Variants in FGF7 observed in about 807,000 individuals in gnomAD.
The protein encoded by FGF7 is fibroblast growth factor 7.
Under a neutral mutation model 20.5 loss-of-function variants are expected in FGF7, and 6 were observed. The ratio of observed to expected loss-of-function variants is 0.29; its 90% confidence interval spans 0.16 to 0.58. FGF7 has a LOEUF of 0.58. Ranked by LOEUF, FGF7 falls within the 20% of genes least tolerant of loss-of-function variation. The pLI, the probability that FGF7 is intolerant of heterozygous loss-of-function variation, is 0.90. For synonymous variants in FGF7, 64 were observed against 74.7 expected (o/e 0.86, Z 0.74); for missense variants, 144 against 228.8 (o/e 0.63, Z 2.39).
At chr15:49,442,627 GTTACT>G (rs1183748815) in intron 2 of FGF7, among the ~76,000 whole-genome samples, 25 of 151,614 alleles carry the variant, frequency 1.6e-4, no homozygotes, top group African/African-American at 5.6e-4. Context: ...GCATAGAGTA[GTTACT>G]CACTAATTAC....
At chr15:49,458,318 C>A (rs895559013) in intron 2 of FGF7, among the ~76,000 whole-genome samples, 1 of 151,974 alleles carries the variant, frequency 6.6e-6, no homozygotes, top group African/African-American at 2.4e-5. Context: ...TTTAAATAGT[C>A]ATAATCCACA....
At chr15:49,464,848 G>A (rs969144611) in intron 2 of FGF7, among the ~76,000 whole-genome samples, 1 of 152,002 alleles carries the variant, frequency 6.6e-6, no homozygotes, top group Non-Finnish European at 1.5e-5. Context: ...AAACTATACA[G>A]TACAATGGAA....
At chr15:49,425,788 G>A (rs2050074662) in intron 2 of FGF7, among the ~76,000 whole-genome samples, 1 of 151,448 alleles carries the variant, frequency 6.6e-6, no homozygotes, top group Non-Finnish European at 1.5e-5. Context: ...TTTAATGACT[G>A]GACAGTTATG....
At chr15:49,483,320 C>A (rs2056122168) in intron 3 of FGF7, 66 bp downstream of exon 3, 3 of 792,860 alleles carry the variant, frequency 3.8e-6, no homozygotes, top group Non-Finnish European at 4.3e-6. Flanking sequence ...TCTCACCTTT[C>A]TGAAAAGTAA....
chr15:49,476,754 T>C (rs2055358195), intron 2 of FGF7, among the ~76,000 whole-genome samples: 1 of 152,088 alleles, frequency 6.6e-6, no homozygotes, highest in African/African-American at 2.4e-5. Context: ...CACTTTTAGA[T>C]TTACAAAAAA....
chr15:49,439,194 C>A (rs1036252627), intron 2 of FGF7, among the ~76,000 whole-genome samples: 3 of 151,552 alleles, frequency 2.0e-5, no homozygotes, highest in African/African-American at 7.2e-5. Context: ...TTCCTCTTTG[C>A]TATGTGGGCC....
intron 2 of FGF7, among the ~76,000 whole-genome samples, chr15:49,436,807 T>C (rs2051148203): frequency 6.6e-6 from 1 of 151,620 alleles, no homozygotes; most frequent in Non-Finnish European, 1.5e-5. Flanking sequence ...ACTGGTGTTA[T>C]TAAAACATCG....
At chr15:49,484,267 A>T (rs2056209822) in intron 3 of FGF7, 43 bp from the exon 4 acceptor site, 1 of 1,467,340 alleles carries the variant, frequency 6.8e-7, no homozygotes, top group Admixed American at 1.9e-5. Flanking sequence ...AGCCTCTCTA[A>T]AAATCATTTG....
intron 2 of FGF7, among the ~76,000 whole-genome samples, chr15:49,479,449 A>G (rs1332756807): frequency 2.0e-5 from 3 of 152,166 alleles, no homozygotes; most frequent in Non-Finnish European, 2.9e-5. Context: ...ATGTGAGGCA[A>G]CGGATACACT....
chr15:49,439,430 G>A (rs568234290), intron 2 of FGF7, among the ~76,000 whole-genome samples: 98 of 151,622 alleles, frequency 6.5e-4, no homozygotes, highest in Non-Finnish European at 1.2e-3. Context: ...AGTAAAACGT[G>A]GGGGGAGGGA....
intron 2 of FGF7, among the ~76,000 whole-genome samples, chr15:49,447,642 T>G (rs1289052604): frequency 4.0e-5 from 6 of 151,824 alleles, no homozygotes; most frequent in African/African-American, 1.4e-4. Flanking sequence ...AATTGATAGA[T>G]TTCAAAGCTA....
intron 2 of FGF7, among the ~76,000 whole-genome samples, chr15:49,458,231 T>C (rs10047970): frequency 0.32 from 47,932 of 151,712 alleles, 8,244 homozygotes; most frequent in African/African-American, 0.45. Flanking sequence ...CAATAGATTT[T>C]GAATGTATAT....
At chr15:49,447,750 G>T (rs1315498966) in intron 2 of FGF7, among the ~76,000 whole-genome samples, 1 of 151,628 alleles carries the variant, frequency 6.6e-6, no homozygotes, top group Non-Finnish European at 1.5e-5. Context: ...GAATGACTTT[G>T]TCCTCATTAC....
At chr15:49,473,406 C>T (rs936794437) in intron 2 of FGF7, among the ~76,000 whole-genome samples, 10 of 151,992 alleles carry the variant, frequency 6.6e-5, no homozygotes, top group Non-Finnish European at 1.3e-4. Context: ...CTCCAAAATT[C>T]GCTTTTATTT....
chr15:49,442,318 A>G (rs1050446871), intron 2 of FGF7, among the ~76,000 whole-genome samples: 8 of 151,580 alleles, frequency 5.3e-5, no homozygotes, highest in Admixed American at 4.0e-4. Flanking sequence ...CCCATTCTTC[A>G]GGGCCCAGAT....
rs1462376870 is a variant in FGF7 at position 49,488,370 on chromosome 15, T to C, written c.*3866T>C. On this transcript the variant is annotated 3_prime_UTR_variant, in exon 4 of 4. Coordinates refer to ENST00000267843, the MANE Select transcript of FGF7 (RefSeq NM_002009.4). Reference sequence around the variant, plus strand: ...TCAGGGACACATATACTCCCACCTATCCTTTAATTTTGAATGGTTTGTCAG... The same window carrying C: ...TCAGGGACACATATACTCCCACCTACCCTTTAATTTTGAATGGTTTGTCAG... 3 of 151,954 alleles carry C rather than the reference T, an allele frequency of 2.0e-5. No individual in the cohort carries two copies. The highest frequency in any genetic ancestry group is 7.2e-5 in the African/African-American group (3 of 41,408). The allele number at this position is 151,954 out of a possible 1,614,324, so 9.4% of individuals were successfully genotyped here.
At chr15:49,425,889 C>A (rs1409258030) in intron 2 of FGF7, among the ~76,000 whole-genome samples, 9 of 151,356 alleles carry the variant, frequency 5.9e-5, no homozygotes, top group Admixed American at 4.0e-4. Flanking sequence ...TAAAGTTTAT[C>A]TAAGGAAATG....
intron 2 of FGF7, among the ~76,000 whole-genome samples, chr15:49,446,548 T>G (rs1025693705): frequency 6.6e-6 from 1 of 151,230 alleles, no homozygotes; most frequent in Admixed American, 6.6e-5. Flanking sequence ...TAAAGGTGCA[T>G]TTGCTTGAAG....
At chr15:49,446,983 G>A (rs888555864) in intron 2 of FGF7, among the ~76,000 whole-genome samples, 1 of 151,462 alleles carries the variant, frequency 6.6e-6, no homozygotes, top group African/African-American at 2.4e-5. Flanking sequence ...TAGAGATTTT[G>A]ACAGGTATAA....
Sources: gnomAD v4.1 joint callset for allele counts (sites outside exome capture counted in the v4.1 genomes callset) on GRCh38, gnomAD v4.1.1 for gene constraint, MANE v1.5 for transcripts, NCBI Gene and HGNC (gene_info 2026-07-23, HGNC 2026-07-21) for gene names.